SPATA31H1: variants seen among roughly 807,000 people sequenced by gnomAD.
SPATA31H1 encodes SPATA31 subfamily H member 1.
At chr2:27,539,758 G>T in the SPATA31H1 span, among the ~76,000 whole-genome samples, 3 of 27,106 alleles carry the variant, frequency 1.1e-4, no homozygotes, top group African/African-American at 3.2e-4. Flanking sequence ...GACCCCCCCC[G>T]CCCCCGGACG....
At chr2:27,576,136 G>A in the SPATA31H1 span, 1 of 403,518 alleles carries the variant, frequency 2.5e-6, no homozygotes, top group East Asian at 3.5e-5. Context: ...TCTATGGAGT[G>A]CAAACTTGCG....
the SPATA31H1 span, among the ~76,000 whole-genome samples, chr2:27,548,728 T>A: frequency 1.3e-5 from 2 of 151,898 alleles, no homozygotes; most frequent in Non-Finnish European, 2.9e-5. Context: ...TTCTAATCTG[T>A]AAATTCTCCA....
chr2:27,568,274 G>T, the SPATA31H1 span: 1 of 398,884 alleles, frequency 2.5e-6, no homozygotes, highest in Admixed American at 4.4e-5. Flanking sequence ...TGAATCTAAG[G>T]CCACAACATG....
At chr2:27,566,772 G>C in the SPATA31H1 span, 1 of 715,834 alleles carries the variant, frequency 1.4e-6, no homozygotes, top group Non-Finnish European at 2.6e-6. Context: ...TGAATCACAG[G>C]ATATGATTTC....
At chr2:27,547,984 T>TC in the SPATA31H1 span, among the ~76,000 whole-genome samples, 189 of 145,842 alleles carry the variant, frequency 1.3e-3, no homozygotes, top group Non-Finnish European at 2.2e-3. Flanking sequence ...AATTTCTTTT[T>TC]TTTTTTTTTT....
At chr2:27,577,713 A>G in the SPATA31H1 span, 2 of 1,614,116 alleles carry the variant, frequency 1.2e-6, no homozygotes, top group Non-Finnish European at 1.7e-6. This position sits in a 1 kb window ranked among gnomAD's most constrained non-coding sequence, Gnocchi z 4.5. Flanking sequence ...ATTAACCCCC[A>G]AACCACAGCA....
chr2:27,576,915 A>C, the SPATA31H1 span: 1 of 1,614,098 alleles, frequency 6.2e-7, no homozygotes. Context: ...AAATTATCAA[A>C]TCATGGAATC....
the SPATA31H1 span, chr2:27,571,634 G>A: frequency 2.5e-6 from 1 of 398,454 alleles, no homozygotes; most frequent in East Asian, 3.6e-5. Flanking sequence ...TTAAATCTAT[G>A]GAGACGCTTC....
the SPATA31H1 span, chr2:27,581,546 A>G: frequency 1.4e-6 from 2 of 1,421,744 alleles, no homozygotes; most frequent in South Asian, 1.2e-5. Context: ...GCAGTCCCTC[A>G]GAGAGAAGCC....
chr2:27,539,004 T>C, the SPATA31H1 span, among the ~76,000 whole-genome samples: 2 of 151,790 alleles, frequency 1.3e-5, no homozygotes, highest in African/African-American at 2.4e-5. Context: ...TGTTTGGATG[T>C]GGAAGGTGTT....
the SPATA31H1 span, chr2:27,569,309 T>A: frequency 2.5e-6 from 1 of 398,866 alleles, no homozygotes; most frequent in Admixed American, 4.4e-5. Context: ...CAGAAGTTAC[T>A]GAGTTGTCAG....
the SPATA31H1 span, chr2:27,580,877 C>A: frequency 1.2e-6 from 2 of 1,614,130 alleles, no homozygotes; most frequent in Non-Finnish European, 1.7e-6. Context: ...CGGTCCAGTG[C>A]AGATCAGCTC....
chr2:27,580,084 G>T, the SPATA31H1 span: 1 of 1,614,162 alleles, frequency 6.2e-7, no homozygotes, highest in South Asian at 1.1e-5. Context: ...TTTAGGCTGA[G>T]AATTGGGAAA....
At chr2:27,561,755 G>A in the SPATA31H1 span, among the ~76,000 whole-genome samples, 1 of 152,086 alleles carries the variant, frequency 6.6e-6, no homozygotes, top group East Asian at 1.9e-4. Flanking sequence ...AAGTTGGAGT[G>A]CAGTGGTGTG....
At chr2:27,548,300 C>A in the SPATA31H1 span, among the ~76,000 whole-genome samples, 1 of 151,878 alleles carries the variant, frequency 6.6e-6, no homozygotes, top group South Asian at 2.1e-4. Flanking sequence ...CATCAAATAC[C>A]CTTCAGCATT....
At chr2:27,574,324 G>C in the SPATA31H1 span, 2 of 398,336 alleles carry the variant, frequency 5.0e-6, no homozygotes, top group African/African-American at 4.1e-5. Context: ...GTGATTCCAG[G>C]GGGAAAGCTT....
the SPATA31H1 span, chr2:27,577,135 G>C: frequency 6.2e-7 from 1 of 1,614,040 alleles, no homozygotes; most frequent in South Asian, 1.1e-5. The surrounding 1 kb of genome is among the most constrained non-coding windows in gnomAD (Gnocchi z 4.5). Flanking sequence ...CTAACAGGTA[G>C]AGCTAAGGAA....
At chr2:27,580,715 A>T in the SPATA31H1 span, 1 of 1,614,230 alleles carries the variant, frequency 6.2e-7, no homozygotes, top group African/African-American at 1.3e-5. Context: ...GGACAAGGCC[A>T]GACAATTTGT....
At chr2:27,560,245 T>G in the SPATA31H1 span, among the ~76,000 whole-genome samples, 1 of 152,168 alleles carries the variant, frequency 6.6e-6, no homozygotes, top group African/African-American at 2.4e-5. Context: ...TCTTTGCAGG[T>G]TTGTTTCTGC....
Sources: allele counts gnomAD v4.1 joint callset (sites outside exome capture counted in the v4.1 genomes callset), GRCh38; gene constraint gnomAD v4.1.1; non-coding constraint Gnocchi (gnomAD v3.1); transcripts MANE v1.5; gene names NCBI Gene and HGNC (gene_info 2026-07-23, HGNC 2026-07-21).